Variants in SLC4A8 observed in about 807,000 individuals in gnomAD.
SLC4A8 encodes the protein solute carrier family 4 member 8, also known as electroneutral sodium bicarbonate exchanger 1.
In SLC4A8, 40 loss-of-function variants were observed where a neutral mutation model predicts 125.0. The observed-to-expected ratio is 0.32, with a 90% CI of 0.25 to 0.42. The LOEUF (loss-of-function observed/expected upper bound fraction) is 0.42, where lower values mean the gene tolerates loss of function less well. SLC4A8 is among the 10% of genes least tolerant of loss of function. The pLI, the probability that SLC4A8 is intolerant of heterozygous loss-of-function variation, is 1.00. For missense variants in SLC4A8, 863 were observed against 1,355.1 expected (o/e 0.64, Z 5.70); for synonymous variants, 456 against 476.0 (o/e 0.96, Z 0.55).
chr12:51,417,628 C>T (rs562654082), intron 1 of SLC4A8, among the ~76,000 whole-genome samples: 1 of 152,316 alleles, frequency 6.6e-6, no homozygotes, highest in East Asian at 1.9e-4. Flanking sequence ...AGCGATTCTC[C>T]TGCCTCAGCC....
Position 51,452,153 on chromosome 12 carries a change from C to T in SLC4A8, c.307C>T (p.Leu103Phe). The change falls in exon 4 of 25, where the codon CTT becomes TTT. Residue 103 changes from leucine (L) to phenylalanine (F), a missense_variant. Leu to Phe is a conservative substitution (Grantham distance 22). Transcript: ENST00000453097. ...ACCATCTCAGCGTGTTCAGTTCATT[C>T]TTGGCACCGAGGAAGATGAAGAGCA... The part of the protein sequence containing the change: ...DTPSQRVQFI[L>F]GTEEDEEHVP... The T allele has an allele frequency of 1.2e-6, 2 of 1,614,178 alleles. No homozygotes were observed. The highest frequency in any genetic ancestry group is 1.7e-6 in the Non-Finnish European group (2 of 1,180,004).
rs59873570 is a variant in SLC4A8, at chr12:51,444,030, T to C, written c.130+3241T>C. Among the ~76,000 whole-genome samples the C allele has an allele frequency of 8.9e-3, 1,359 of 152,338 alleles. 17 individuals carry two copies. The highest frequency in any genetic ancestry group is 0.031 in the African/African-American group (1,289 of 41,568). On this transcript the variant is annotated intron_variant, in intron 2 of 24. Coordinates refer to ENST00000453097, the MANE Select transcript of SLC4A8 (RefSeq NM_001039960.3). ...TAATTTTTACTAAATTAGAATACTT[T>C]ATTTGCACACAGATAGTTCCAAAAG...
rs1471246049 is a variant in SLC4A8, at chr12:51,462,460, A to T, written c.1248+4A>T. ...ACCCAAAAATGTCCCTTCCCAGGTAATGTATGCACATCAGCCAATGTGGCT... is the reference window on the plus strand; with the variant it reads ...ACCCAAAAATGTCCCTTCCCAGGTATTGTATGCACATCAGCCAATGTGGCT... On this transcript the variant is annotated splice_donor_region_variant and intron_variant, in intron 10 of 24. Transcript: ENST00000453097. 1.2e-5 allele frequency: 18 copies of T among 1,558,396 alleles called. No individual in the cohort carries two copies. The highest frequency in any genetic ancestry group is 1.5e-5 in the Non-Finnish European group (17 of 1,156,442).
At chr12:51,412,435 A>C (rs1368735960) in intron 1 of SLC4A8, among the ~76,000 whole-genome samples, 2 of 152,232 alleles carry the variant, frequency 1.3e-5, no homozygotes, top group Admixed American at 6.5e-5. Flanking sequence ...TGTTTTGGAA[A>C]TATTTCAAAT....
rs1193200857 is a variant in SLC4A8, at chr12:51,514,506, A to G, written c.*7068A>G. The G allele has an allele frequency of 6.6e-6, 1 of 152,214 alleles. No individual in the cohort carries two copies. The highest frequency in any genetic ancestry group is 2.4e-5 in the African/African-American group (1 of 41,440). 9.4% of individuals were successfully genotyped at this position (152,214 alleles called of 1,614,324 possible). ...GGTCAGAGGTCCTAAAACCACCACC[A>G]GCTGGGGGTGCTGAGAATGGTGAGG... On this transcript the variant is annotated 3_prime_UTR_variant, in exon 25 of 25. Coordinates refer to ENST00000453097, the MANE Select transcript of SLC4A8 (RefSeq NM_001039960.3).
chr12:51,461,391 C>T, intron 9 of SLC4A8, 100 bp downstream of exon 9: 1 of 730,090 alleles, frequency 1.4e-6, no homozygotes. Flanking sequence ...AAAATACTTT[C>T]CATTGCAATA....
chr12:51,462,551 C>T, intron 10 of SLC4A8, 95 bp downstream of exon 10: 1 of 925,724 alleles, frequency 1.1e-6, no homozygotes, highest in Non-Finnish European at 1.6e-6. Flanking sequence ...CTAAATATAT[C>T]AAGATGCAGC....
Position 51,474,433 on chromosome 12 carries a change from A to G in SLC4A8, c.1996A>G (p.Asn666Asp). The change falls in exon 15 of 25, where the codon AAC becomes GAC. Residue 666 changes from asparagine (N) to aspartate (D), a missense_variant. Asn to Asp is a conservative substitution (Grantham distance 23). Coordinates refer to ENST00000453097, the MANE Select transcript of SLC4A8 (RefSeq NM_001039960.3). ...NIVTAEVHWA[N>D]LTVSECQEMH... ...CGTGACAGCAGAAGTCCACTGGGCTAACCTGACTGTCAGTGTAAGTCTGGG... is the reference window on the plus strand; with the variant it reads ...CGTGACAGCAGAAGTCCACTGGGCTGACCTGACTGTCAGTGTAAGTCTGGG... 6.2e-7 allele frequency: 1 copy of G among 1,613,682 alleles called. No homozygotes were observed. The highest frequency in any genetic ancestry group is 8.5e-7 in the Non-Finnish European group (1 of 1,179,632).
chr12:51,419,460 G>C (rs955430448), intron 1 of SLC4A8, among the ~76,000 whole-genome samples: 1 of 152,196 alleles, frequency 6.6e-6, no homozygotes, highest in East Asian at 1.9e-4. Context: ...GCAGGGTTAG[G>C]TTTGGTTAGA....
intron 16 of SLC4A8, among the ~76,000 whole-genome samples, chr12:51,480,844 A>G (rs1048766576): frequency 2.0e-5 from 3 of 152,154 alleles, no homozygotes; most frequent in Non-Finnish European, 4.4e-5. Context: ...TCTGTCGCTC[A>G]CTTTGGGCTT....
chr12:51,425,484 G>C (rs1948940361), intron 1 of SLC4A8: 3 of 962,144 alleles, frequency 3.1e-6, no homozygotes, highest in Non-Finnish European at 3.7e-6. Flanking sequence ...CAGAGGAAAA[G>C]CCAGAAAAGA....
chr12:51,466,364 CAGGAGCTGCT>C (rs1445311818), intron 11 of SLC4A8: 1 of 152,166 alleles, frequency 6.6e-6, no homozygotes. Flanking sequence ...AAAAAAGAAT[CAGGAGCTGCT>C]ATCTCGATGA....
At position 51,486,889 on chromosome 12, in the gene SLC4A8, C is replaced by T. The variant is rs540950816; in HGVS notation, c.2286+989C>T. Among the ~76,000 whole-genome samples, 10 of 152,322 alleles carry T rather than the reference C, an allele frequency of 6.6e-5. No homozygotes were observed. The South Asian group carries it at 2.1e-3, about 32-fold the overall frequency. ...CACCAGTTGGAAGTTTATGGACTAA[C>T]CAATCCCTCTTGTAAGTATAATACC... On this transcript the variant is annotated intron_variant, in intron 17 of 24. Coordinates refer to ENST00000453097, the MANE Select transcript of SLC4A8 (RefSeq NM_001039960.3).
At chr12:51,448,888 T>C (rs1949874665) in intron 2 of SLC4A8, among the ~76,000 whole-genome samples, 3 of 151,958 alleles carry the variant, frequency 2.0e-5, no homozygotes, top group Admixed American at 2.0e-4. Context: ...TGGAAGTGGT[T>C]TGATAAAGAA....
chr12:51,417,186 C>T, intron 1 of SLC4A8, among the ~76,000 whole-genome samples: 1 of 152,140 alleles, frequency 6.6e-6, no homozygotes. Context: ...TAAGTCTTTT[C>T]ATTTTTTTAT....
intron 5 of SLC4A8, 71 bp downstream of exon 5, chr12:51,453,770 G>A: frequency 6.8e-7 from 1 of 1,463,562 alleles, no homozygotes; most frequent in East Asian, 2.3e-5. Flanking sequence ...AAGGAGTGTG[G>A]CGTGACAGAA....
At chr12:51,480,063 C>G (rs1408314919) in intron 16 of SLC4A8, 3 of 363,214 alleles carry the variant, frequency 8.3e-6, no homozygotes, top group African/African-American at 6.8e-5. Context: ...TCCGCCTCCT[C>G]CCGAGTAGCT....
upstream of SLC4A8, chr12:51,424,532 A>G (rs1449850863): frequency 1.9e-5 from 3 of 157,926 alleles, no homozygotes; most frequent in Non-Finnish European, 2.8e-5. Context: ...TTTAAACATC[A>G]TCTCCCAAGG....
chr12:51,463,677 G>T lies in SLC4A8; in HGVS notation c.1312G>T (p.Gly438Trp), dbSNP rs2138257913. The T allele has an allele frequency of 6.2e-7, 1 of 1,614,040 alleles. No homozygotes were observed. The highest frequency in any genetic ancestry group is 1.7e-4 in the Middle Eastern group (1 of 6,060). Residue 438 changes from glycine (G) to tryptophan (W), a missense_variant, in exon 11 of 25, where the codon GGG (glycine) becomes TGG (tryptophan). Around this residue, in one of 6 missense-constraint regions of SLC4A8, gnomAD observed 390 missense variants for 634.4 expected, o/e 0.61. Coordinates refer to ENST00000453097, the MANE Select transcript of SLC4A8 (RefSeq NM_001039960.3). ...TTGCCACATAGAACAGGAACCACAT[G>T]GGGGTCACAGTGGGCCAGAACTTCA... ...NVCHIEQEPH[G>W]GHSGPELQRT...
Sources: gnomAD v4.1 joint callset for allele counts (sites outside exome capture counted in the v4.1 genomes callset) on GRCh38, gnomAD v4.1.1 for gene constraint, gnomAD v4.1.1 regional missense constraint, MANE v1.5 for transcripts, NCBI Gene and HGNC (gene_info 2026-07-23, HGNC 2026-07-21) for gene names.